Variants in SLC24A2 observed in about 807,000 individuals in gnomAD.
SLC24A2 encodes the protein solute carrier family 24 member 2.
A neutral mutation model predicts 62.0 loss-of-function variants in SLC24A2; 36 were observed. The ratio of observed to expected loss-of-function variants is 0.58; its 90% confidence interval spans 0.44 to 0.77. SLC24A2 has a LOEUF of 0.77. Ranked by LOEUF, SLC24A2 falls within the 30% of genes least tolerant of loss-of-function variation. The pLI is 0.00. For synonymous variants in SLC24A2, 358 were observed against 294.0 expected (o/e 1.22, Z -2.23); for missense variants, 846 against 817.9 (o/e 1.03, Z -0.42).
At chr9:20,249,162 G>A in the SLC24A2 span, among the ~76,000 whole-genome samples, 5 of 152,112 alleles carry the variant, frequency 3.3e-5, no homozygotes, top group African/African-American at 9.7e-5. Context: ...ATAAAAACAT[G>A]GATGATAAAG....
At chr9:20,287,535 AAGAC>A in the SLC24A2 span, among the ~76,000 whole-genome samples, 14 of 152,338 alleles carry the variant, frequency 9.2e-5, no homozygotes, top group South Asian at 1.7e-3. Context: ...ATACCCAAAT[AAGAC>A]AGAGCAAGTA....
chr9:20,218,953 A>G, the SLC24A2 span, among the ~76,000 whole-genome samples: 11 of 152,166 alleles, frequency 7.2e-5, no homozygotes, highest in East Asian at 1.7e-3. Flanking sequence ...GTATGCAGCA[A>G]TCCTATTGAT....
At chr9:19,712,159 C>G (rs566883515) in intron 2 of SLC24A2, among the ~76,000 whole-genome samples, 2 of 152,304 alleles carry the variant, frequency 1.3e-5, no homozygotes, top group South Asian at 4.1e-4. Flanking sequence ...AGACTGAGGT[C>G]AGTCAGTTCC....
At chr9:19,638,184 G>A (rs772345271) in intron 2 of SLC24A2, among the ~76,000 whole-genome samples, 1 of 152,292 alleles carries the variant, frequency 6.6e-6, no homozygotes, top group Middle Eastern at 3.4e-3. Context: ...CATCCCTGCA[G>A]GCTTGAGGTT....
At chr9:20,300,139 A>C in the SLC24A2 span, among the ~76,000 whole-genome samples, 1 of 152,230 alleles carries the variant, frequency 6.6e-6, no homozygotes, top group Admixed American at 6.5e-5. Flanking sequence ...TTATGGATAC[A>C]TAGTAGGTAT....
chr9:20,284,331 G>A, the SLC24A2 span, among the ~76,000 whole-genome samples: 1 of 151,742 alleles, frequency 6.6e-6, no homozygotes, highest in African/African-American at 2.4e-5. Flanking sequence ...AGACTGGAGT[G>A]CAGTGGTGTG....
the SLC24A2 span, among the ~76,000 whole-genome samples, chr9:20,068,078 T>G: frequency 1.3e-5 from 2 of 148,646 alleles, no homozygotes; most frequent in African/African-American, 2.5e-5. Flanking sequence ...TTTTTTTTTT[T>G]TTGGAGACGG....
intron 2 of SLC24A2, among the ~76,000 whole-genome samples, chr9:19,635,313 T>A (rs1243799465): frequency 6.6e-6 from 1 of 152,222 alleles, no homozygotes; most frequent in Non-Finnish European, 1.5e-5. Flanking sequence ...TTTTCCTAAT[T>A]ACTATTGGCT....
At chr9:19,648,286 A>G (rs894410929) in intron 2 of SLC24A2, among the ~76,000 whole-genome samples, 2 of 152,198 alleles carry the variant, frequency 1.3e-5, no homozygotes, top group African/African-American at 4.8e-5. Flanking sequence ...AAAAAGGGAA[A>G]TCTGCCAAAT....
At chr9:20,292,159 C>T in the SLC24A2 span, among the ~76,000 whole-genome samples, 5 of 152,192 alleles carry the variant, frequency 3.3e-5, no homozygotes, top group African/African-American at 7.2e-5. Context: ...AATCAAAAAA[C>T]GACTTGCTTG....
the SLC24A2 span, among the ~76,000 whole-genome samples, chr9:19,906,930 T>G: frequency 6.6e-6 from 1 of 152,176 alleles, no homozygotes; most frequent in Non-Finnish European, 1.5e-5. Context: ...CTTCTGAAAC[T>G]ATTCCAATCA....
chr9:20,174,920 A>C, the SLC24A2 span, among the ~76,000 whole-genome samples: 2 of 151,946 alleles, frequency 1.3e-5, no homozygotes, highest in Non-Finnish European at 2.9e-5. Context: ...TAGCAGCACA[A>C]TTCACAATTG....
chr9:19,744,936 G>A (rs373911893), intron 2 of SLC24A2, among the ~76,000 whole-genome samples: 2 of 152,208 alleles, frequency 1.3e-5, no homozygotes. Context: ...ATTCTTGAAG[G>A]TCACTAGGAA....
chr9:19,662,516 C>T (rs1017687543), intron 2 of SLC24A2, among the ~76,000 whole-genome samples: 1 of 152,162 alleles, frequency 6.6e-6, no homozygotes, highest in Non-Finnish European at 1.5e-5. Flanking sequence ...ATCACCATGC[C>T]CGGTGTTAGT....
chr9:20,076,472 T>G, the SLC24A2 span, among the ~76,000 whole-genome samples: 1 of 152,030 alleles, frequency 6.6e-6, no homozygotes, highest in African/African-American at 2.4e-5. Context: ...AGGAGGCCAA[T>G]TGCAACTGCC....
intron 8 of SLC24A2, among the ~76,000 whole-genome samples, chr9:19,545,387 CAG>C (rs1834501810): frequency 1.3e-5 from 2 of 152,010 alleles, no homozygotes; most frequent in African/African-American, 2.4e-5. Context: ...TGCTTTAGCT[CAG>C]AGGAGTTTGT....
At chr9:20,024,218 T>C in the SLC24A2 span, among the ~76,000 whole-genome samples, 1 of 152,220 alleles carries the variant, frequency 6.6e-6, no homozygotes, top group Non-Finnish European at 1.5e-5. Context: ...AAAACGGAAC[T>C]GTGCCGTCTG....
chr9:20,169,565 G>C, the SLC24A2 span, among the ~76,000 whole-genome samples: 6 of 151,958 alleles, frequency 3.9e-5, no homozygotes, highest in African/African-American at 1.4e-4. Flanking sequence ...TGGGTGATTG[G>C]ATCCAGAAGA....
chr9:19,762,890 A>C (rs879034639), intron 2 of SLC24A2, among the ~76,000 whole-genome samples: 8 of 150,822 alleles, frequency 5.3e-5, no homozygotes, highest in Admixed American at 2.0e-4. Flanking sequence ...ATAGCATTGA[A>C]TCTATAAATT....
Sources: allele counts gnomAD v4.1 joint callset (sites outside exome capture counted in the v4.1 genomes callset), GRCh38; gene constraint gnomAD v4.1.1; transcripts MANE v1.5; gene names NCBI Gene and HGNC (gene_info 2026-07-23, HGNC 2026-07-21).